The following DCAF12L1 variants were observed in gnomAD, a reference collection of about 807,000 sequenced individuals.
DCAF12L1 encodes the protein DDB1 and CUL4 associated factor 12 like 1, also known as DDB1- and CUL4-associated factor 12-like protein 1.
For missense variants in DCAF12L1, 251 were observed against 409.2 expected (o/e 0.61, Z 3.34); for synonymous variants, 218 against 196.4 (o/e 1.11, Z -0.92).
chrX:126,552,380 C>T lies in DCAF12L1; in HGVS notation c.229G>A (p.Gly77Ser). 2 of 1,211,669 alleles carry T rather than the reference C, an allele frequency of 1.7e-6. No homozygotes were observed. Among genetic ancestry groups the T allele is most frequent in the Non-Finnish European group, 2.2e-6 (2 of 895,497 alleles). ...TCGGGCAGCCTCTGTACCGCGTAGC[C>T]CCGCAGCTCGCCATCGAAGCCCTGG... Reference protein sequence around the residue: ...RLQGFDGELRGYAVQRLPELL... With the variant: ...RLQGFDGELRSYAVQRLPELL... Residue 77 changes from glycine (G) to serine (S), a missense_variant, in exon 1 of 2, where the codon GGC becomes AGC. Transcript: ENST00000371126.
In DCAF12L1 at chrX:126,552,584, T is replaced by G. The variant is rs750490927; in HGVS notation, c.25A>C (p.Arg9=). 39 of 1,205,590 alleles carry G rather than the reference T, an allele frequency of 3.2e-5. No homozygotes were observed. Among genetic ancestry groups the G allele is most frequent in the Non-Finnish European group, 2.7e-5 (24 of 894,974 alleles). The change falls in exon 1 of 2, where the codon AGG becomes CGG. Residue 9 remains arginine (R), a synonymous_variant. Coordinates refer to ENST00000371126, the MANE Select transcript of DCAF12L1 (RefSeq NM_178470.5). MAQQQTGS[R]KRKAPAVEAD... ...TCGACCGCGGGCGCTTTCCGTTTCC[T>G]GCTACCTGTTTGCTGCTGGGCCATG...
Position 126,552,698 on chromosome X carries a change from C to G in DCAF12L1, c.-90G>C. On this transcript the variant is annotated 5_prime_UTR_variant, in exon 1 of 2. Coordinates refer to ENST00000371126, the MANE Select transcript of DCAF12L1 (RefSeq NM_178470.5). ...TCGGTCGTGGCGGCGGCGTGGATGGCTGCGCTGGAACCGAGCCTTCGGATT... is the reference window on the plus strand; with the variant it reads ...TCGGTCGTGGCGGCGGCGTGGATGGGTGCGCTGGAACCGAGCCTTCGGATT... The G allele has an allele frequency of 1.8e-6, 2 of 1,132,782 alleles. No homozygotes were observed. The highest frequency in any genetic ancestry group is 7.0e-4 in the Middle Eastern group (2 of 2,864). 93.4% of individuals were successfully genotyped at this position (1,132,782 alleles called of 1,213,427 possible).
Position 126,549,982 on chromosome X carries a change from C to T in DCAF12L1, c.*1148G>A, listed in dbSNP as rs766830901. On this transcript the variant is annotated 3_prime_UTR_variant, in exon 2 of 2. Transcript: ENST00000371126. ...ATTTTAAATCTCACCTATCTTGAAA[C>T]GAACTTCCTGTGTTCTTGATATTGC... The T allele has an allele frequency of 4.4e-4, 49 of 112,215 alleles. No individual in the cohort carries two copies. Among genetic ancestry groups the T allele is most frequent in the Non-Finnish European group, 8.3e-4 (44 of 53,242 alleles). 9.2% of individuals were successfully genotyped at this position (112,215 alleles called of 1,213,427 possible). A position where few individuals can be genotyped will look rare whatever the true frequency, so the allele number is the denominator to read the frequency against.
chrX:126,552,177 G>C lies in DCAF12L1; in HGVS notation c.432C>G (p.Ala144=). The C allele has an allele frequency of 8.2e-7, 1 of 1,212,508 alleles. No homozygotes were observed. The highest frequency in any genetic ancestry group is 1.8e-5 in the South Asian group (1 of 57,075). Residue 144 remains alanine, a synonymous_variant, in exon 1 of 2, where the codon GCC becomes GCG. Transcript: ENST00000371126. The stretch of plus-strand genomic sequence containing the variant: ...GGATGCCGCAGCCCTGTTGGTCCTG[G>C]GCCAGCCTGGCCTCACTGTCCCGCA... The part of the protein sequence containing the change: ...PLLRDSEARL[A]QDQQGCGIHA...
chrX:126,552,810 C>A lies in DCAF12L1; in HGVS notation c.-202G>T. The A allele has an allele frequency of 1.6e-6, 1 of 641,808 alleles. No individual in the cohort carries two copies. Among genetic ancestry groups the A allele is most frequent in the Non-Finnish European group, 2.2e-6 (1 of 450,026 alleles). The allele number at this position is 641,808 out of a possible 1,213,427, so 52.9% of individuals were successfully genotyped here. Reference sequence around the variant, plus strand: ...CAGACCTAGGCGAAGGCGGGAAGTGCGTCTGGCCGGGCAGTGAGAGCAAAG... The same window carrying A: ...CAGACCTAGGCGAAGGCGGGAAGTGAGTCTGGCCGGGCAGTGAGAGCAAAG... On this transcript the variant is annotated 5_prime_UTR_variant, in exon 1 of 2. Coordinates refer to ENST00000371126, the MANE Select transcript of DCAF12L1 (RefSeq NM_178470.5).
In DCAF12L1 at chrX:126,552,176, G is replaced by C; in HGVS notation, c.433C>G (p.Gln145Glu). Residue 145 changes from glutamine to glutamate, a missense_variant, in exon 1 of 2, where the codon CAG becomes GAG. Gln to Glu is a conservative substitution (Grantham distance 29). Coordinates refer to ENST00000371126, the MANE Select transcript of DCAF12L1 (RefSeq NM_178470.5). ...TGGATGCCGCAGCCCTGTTGGTCCT[G>C]GGCCAGCCTGGCCTCACTGTCCCGC... ...LLRDSEARLA[Q>E]DQQGCGIHAI... 8.2e-7 allele frequency: 1 copy of C among 1,212,568 alleles called. No homozygotes were observed.
rs752149882 is a variant in DCAF12L1 at position 126,551,288 on chromosome X, T to G, written c.1321A>C (p.Met441Leu). The change falls in exon 1 of 2, where the codon ATG (methionine) becomes CTG (leucine). Residue 441 changes from methionine (M) to leucine (L), a missense_variant. Transcript: ENST00000371126. The stretch of plus-strand genomic sequence containing the variant: ...GGCCCCCCAGCCACAAAGAGCTTCA[T>G]CTCAGGCCAGTTGTAGCAGTGGGTG... ...LYTHCYNWPE[M>L]KLFVAGGPLP... is the part of the protein sequence containing the mutation. The G allele has an allele frequency of 1.7e-6, 2 of 1,209,505 alleles. No individual in the cohort carries two copies. Among genetic ancestry groups the G allele is most frequent in the African/African-American group, 3.5e-5 (2 of 57,017 alleles).
Position 126,552,061 on chromosome X carries a change from T to A in DCAF12L1, c.548A>T (p.Asp183Val). The A allele has an allele frequency of 8.3e-7, 1 of 1,212,075 alleles. No individual in the cohort carries two copies. Among genetic ancestry groups the A allele is most frequent in the East Asian group, 3.0e-5 (1 of 33,814 alleles). ...ATGGCGGTCGCCCAGGCACAGGGGA[T>A]CCAGGGAGGGCAGCTGGTAGATGGC... ...SLAIYQLPSL[D>V]PLCLGDRHGH... Residue 183 changes from aspartate to valine, a missense_variant, in exon 1 of 2, where the codon GAT becomes GTT. By Grantham distance (152) the Asp-to-Val change is radical (BLOSUM62 -3). Transcript: ENST00000371126.
rs1391416107 is a variant in DCAF12L1 at position 126,552,550 on chromosome X, G to A, written c.59C>T (p.Ala20Val). The A allele has an allele frequency of 1.2e-5, 14 of 1,208,479 alleles. No individual in the cohort carries two copies. Among genetic ancestry groups the A allele is most frequent in the Non-Finnish European group, 1.6e-5 (14 of 895,303 alleles). Residue 20 changes from alanine (A) to valine (V), a missense_variant, in exon 1 of 2, where the codon GCC becomes GTC. Coordinates refer to ENST00000371126, the MANE Select transcript of DCAF12L1 (RefSeq NM_178470.5). ...KRKAPAVEAD[A>V]ESSPSQGLAA... ...CAAGCCCTGCGACGGCGAGCTCTCGGCGTCCGCCTCGACCGCGGGCGCTTT... is the reference window on the plus strand; with the variant it reads ...CAAGCCCTGCGACGGCGAGCTCTCGACGTCCGCCTCGACCGCGGGCGCTTT...
rs1927469423 is a variant in DCAF12L1, at chrX:126,551,941, T to A, written c.668A>T (p.Asp223Val). 8.3e-7 allele frequency: 1 copy of A among 1,211,075 alleles called. No homozygotes were observed. The highest frequency in any genetic ancestry group is 1.7e-5 in the African/African-American group (1 of 57,580). The change falls in exon 1 of 2, where the codon GAC becomes GTC. Residue 223 changes from aspartate (D) to valine (V), a missense_variant. Transcript: ENST00000371126. The stretch of plus-strand genomic sequence containing the variant: ...AACAGTGTCATCGAACTTGTCCGGG[T>A]CCATCCGCCACAGCGCCACAGTGCC... The part of the protein sequence containing the change: ...RDGTVALWRM[D>V]PDKFDDTVAW...
Position 126,551,094 on chromosome X carries a change from T to A in DCAF12L1, c.*36A>T. On this transcript the variant is annotated 3_prime_UTR_variant, in exon 2 of 2. Transcript: ENST00000371126. ...CTGCTTGGAGGAGTACAAATTAAGC[T>A]GGGCTGGTTCCACCTGGAAAACAAA... 7 of 857,563 alleles carry A rather than the reference T, an allele frequency of 8.2e-6. No individual in the cohort carries two copies. Among genetic ancestry groups the A allele is most frequent in the Non-Finnish European group, 1.1e-5 (7 of 624,517 alleles). 70.7% of individuals were successfully genotyped at this position (857,563 alleles called of 1,213,427 possible).
rs919157647 is a variant in DCAF12L1, at chrX:126,550,581, T to C, written c.*549A>G. On this transcript the variant is annotated 3_prime_UTR_variant, in exon 2 of 2. Coordinates refer to ENST00000371126, the MANE Select transcript of DCAF12L1 (RefSeq NM_178470.5). ...AGTTTGATACAAGCACAAGATTCTA[T>C]GATAACTTATTTTGAAAGAGAATAA... 1 of 112,713 alleles carries C rather than the reference T, an allele frequency of 8.9e-6. No individual in the cohort carries two copies. Among genetic ancestry groups the C allele is most frequent in the African/African-American group, 3.2e-5 (1 of 30,934 alleles). 9.3% of individuals were successfully genotyped at this position (112,713 alleles called of 1,213,427 possible).
At position 126,552,341 on chromosome X, in the gene DCAF12L1, G is replaced by A. The variant is rs1460550711; in HGVS notation, c.268C>T (p.Arg90Cys). ...VQRLPELLTE[R>C]QLELGTVNKV... ...TTGACCGTGCCCAGCTCCAGTTGGC[G>A]CTCCGTCAGCAGCTCGGGCAGCCTC... The change falls in exon 1 of 2, where the codon CGC becomes TGC. Residue 90 changes from arginine to cysteine, a missense_variant. Physicochemically the swap from Arg to Cys is radical, Grantham distance 180. Transcript: ENST00000371126. 9.1e-6 allele frequency: 11 copies of A among 1,212,014 alleles called. No homozygotes were observed. The highest frequency in any genetic ancestry group is 1.1e-5 in the Non-Finnish European group (10 of 895,604).
chrX:126,551,180 G>A lies in DCAF12L1; in HGVS notation c.*22+15C>T. On this transcript the variant is annotated intron_variant, in intron 1 of 1. Coordinates refer to ENST00000371126, the MANE Select transcript of DCAF12L1 (RefSeq NM_178470.5). ...GAAGGGCAGTCGGGCGGAACTGAAA[G>A]GTAAATCTGTGTACCTGGAGTACAA... 8.6e-7 allele frequency: 1 copy of A among 1,168,914 alleles called. No individual in the cohort carries two copies.
chrX:126,551,268 C>T lies in DCAF12L1; in HGVS notation c.1341G>A (p.Gly447=). Residue 447 remains glycine, a synonymous_variant, in exon 1 of 2, where the codon GGG becomes GGA. Coordinates refer to ENST00000371126, the MANE Select transcript of DCAF12L1 (RefSeq NM_178470.5). ...NWPEMKLFVA[G]GPLPAGLHGN... ...CATGGAGGCCTGCAGGGAGAGGCCC[C>T]CCAGCCACAAAGAGCTTCATCTCAG... The T allele has an allele frequency of 1.1e-5, 13 of 1,211,486 alleles. No homozygotes were observed. The highest frequency in any genetic ancestry group is 1.2e-5 in the Non-Finnish European group (11 of 895,493).
rs1159879152 is a variant in DCAF12L1, at chrX:126,549,728, T to C, written c.*1402A>G. On this transcript the variant is annotated 3_prime_UTR_variant, in exon 2 of 2. Coordinates refer to ENST00000371126, the MANE Select transcript of DCAF12L1 (RefSeq NM_178470.5). ...CGGATTTGTGACTGAACAGCAATGT[T>C]GTGTGTGTGCACCAAGATAGCATCT... 8.9e-6 allele frequency: 1 copy of C among 112,284 alleles called. No homozygotes were observed. Among genetic ancestry groups the C allele is most frequent in the African/African-American group, 3.2e-5 (1 of 30,906 alleles). 9.3% of individuals were successfully genotyped at this position (112,284 alleles called of 1,213,427 possible). A position where few individuals can be genotyped will look rare whatever the true frequency, so the allele number is the denominator to read the frequency against.
At position 126,551,007 on chromosome X, in the gene DCAF12L1, T is replaced by C. The variant is rs756130758; in HGVS notation, c.*123A>G. ...GTATGAAAATTCCAAAAGATGGTGT[T>C]GGAAAGGAGTCAAAAAGTCTTAAAG... On this transcript the variant is annotated 3_prime_UTR_variant, in exon 2 of 2. Coordinates refer to ENST00000371126, the MANE Select transcript of DCAF12L1 (RefSeq NM_178470.5). The C allele has an allele frequency of 2.4e-5, 9 of 374,260 alleles. No individual in the cohort carries two copies. The highest frequency in any genetic ancestry group is 4.0e-5 in the Non-Finnish European group (9 of 225,098). The allele number at this position is 374,260 out of a possible 1,213,427, so 30.8% of individuals were successfully genotyped here.
At position 126,552,329 on chromosome X, in the gene DCAF12L1, G is replaced by A. The variant is rs758681741; in HGVS notation, c.280C>T (p.Leu94=). 1.6e-5 allele frequency: 19 copies of A among 1,212,283 alleles called. No homozygotes were observed. The East Asian group carries it at 5.3e-4, about 34-fold the overall frequency. ...PELLTERQLE[L]GTVNKVFASQ... ...GCGAACACCTTGTTGACCGTGCCCA[G>A]CTCCAGTTGGCGCTCCGTCAGCAGC... The change falls in exon 1 of 2, where the codon CTG becomes TTG. Residue 94 remains leucine (L), a synonymous_variant. Transcript: ENST00000371126.
At position 126,551,763 on chromosome X, in the gene DCAF12L1, C is replaced by T. The variant is rs994291998; in HGVS notation, c.846G>A (p.Leu282=). Residue 282 remains leucine (L), a synonymous_variant, in exon 1 of 2, where the codon TTG becomes TTA. Transcript: ENST00000371126. ...CTTTCCACAGGTGGAAGTAGCCGTC[C>T]AAGGACACCGCTCCCAGTTCCTGGT... ...GKNQELGAVS[L]DGYFHLWKAG... is the part of the protein sequence containing the mutation. The T allele has an allele frequency of 9.1e-6, 11 of 1,210,950 alleles. No individual in the cohort carries two copies. Among genetic ancestry groups the T allele is most frequent in the Middle Eastern group, 4.6e-4 (2 of 4,372 alleles).
Sources: gnomAD v4.1 joint callset for allele counts on GRCh38, gnomAD v4.1.1 for gene constraint, MANE v1.5 for transcripts, NCBI Gene and HGNC (gene_info 2026-07-23, HGNC 2026-07-21) for gene names.